LIMCH1: variants seen among roughly 807,000 people sequenced by gnomAD.
LIMCH1 encodes LIM and calponin homology domains 1, also known as LIM and calponin homology domains-containing protein 1.
A neutral mutation model predicts 176.5 loss-of-function variants in LIMCH1; 113 were observed. That is an observed-to-expected ratio of 0.64 (90% confidence interval 0.55 to 0.75). The LOEUF is 0.75. Ranked by LOEUF, LIMCH1 falls within the 30% of genes least tolerant of loss-of-function variation. The pLI, the probability that LIMCH1 is intolerant of heterozygous loss-of-function variation, is 0.00. For synonymous variants in LIMCH1, 619 were observed against 645.9 expected (o/e 0.96, Z 0.63); for missense variants, 1,674 against 1,814.9 (o/e 0.92, Z 1.41).
Position 41,646,908 on chromosome 4 carries a change from T to G in LIMCH1, c.2820+15T>G. 1 of 1,601,084 alleles carries G rather than the reference T, an allele frequency of 6.2e-7. No individual in the cohort carries two copies. The highest frequency in any genetic ancestry group is 1.1e-5 in the South Asian group (1 of 90,316). ...AGACCTTTAAGGTAGGACAAGTTCC[T>G]TAAGAGTAGAACCAAAGCTGAACTC... is the stretch of plus-strand genomic sequence containing the variant. On this transcript the variant is annotated intron_variant, in intron 17 of 31. Transcript: ENST00000503057.
At chr4:41,401,847 G>T (rs1413557641) in intron 1 of LIMCH1, among the ~76,000 whole-genome samples, 1 of 152,146 alleles carries the variant, frequency 6.6e-6, no homozygotes, top group East Asian at 1.9e-4. Context: ...TGTTATTGGT[G>T]TATAAGAATG....
intron 1 of LIMCH1, among the ~76,000 whole-genome samples, chr4:41,428,998 T>G (rs2061360557): frequency 6.6e-6 from 1 of 152,172 alleles, no homozygotes; most frequent in African/African-American, 2.4e-5. Flanking sequence ...AAGTTGCCTG[T>G]GAAAGGGCCT....
At chr4:41,523,421 A>C (rs113429300) in intron 2 of LIMCH1, among the ~76,000 whole-genome samples, 86 of 152,320 alleles carry the variant, frequency 5.6e-4, no homozygotes, top group African/African-American at 2.0e-3. Flanking sequence ...TTTATTTATA[A>C]GTACAGGTGT....
At chr4:41,562,265 A>G (rs1204125395) in intron 1 of LIMCH1, among the ~76,000 whole-genome samples, 2 of 152,068 alleles carry the variant, frequency 1.3e-5, no homozygotes, top group African/African-American at 2.4e-5. Context: ...TTATTTCACC[A>G]TTAGTAGAGT....
rs564296973 is a variant in LIMCH1, at chr4:41,527,611, G to A, written c.237+3133G>A. Among the ~76,000 whole-genome samples the A allele has an allele frequency of 5.3e-5, 8 of 152,206 alleles. No individual in the cohort carries two copies. The East Asian group carries it at 5.8e-4, about 11-fold the overall frequency. ...AGCACTTTGGGAGGCCGAGGCGGGC[G>A]GATCACGATGTCAGGAGATTGCGAC... On this transcript the variant is annotated intron_variant, in intron 3 of 26. Transcript: ENST00000313860.
chr4:41,633,612 G>C lies in LIMCH1; in HGVS notation c.1894G>C (p.Ala632Pro). 6.5e-7 allele frequency: 1 copy of C among 1,536,098 alleles called. No individual in the cohort carries two copies. Among genetic ancestry groups the C allele is most frequent in the Non-Finnish European group, 8.7e-7 (1 of 1,146,888 alleles). Residue 632 changes from alanine (A) to proline (P), a missense_variant, in exon 13 of 32, where the codon GCT (alanine) becomes CCT (proline). Physicochemically the swap from Ala to Pro is conservative, Grantham distance 27. Coordinates refer to ENST00000503057, the MANE Select transcript of LIMCH1 (RefSeq NM_001330672.2). ...AGAAGAGAAGTTGGAGAAGATGACA[G>C]CTCCTGCCTGGAGTGGCAGTGGACT... ...GTEEKLEKMT[A>P]PAWSGSGLKG...
chr4:41,386,797 C>A (rs987990690), intron 1 of LIMCH1, among the ~76,000 whole-genome samples: 5 of 152,176 alleles, frequency 3.3e-5, no homozygotes, highest in Non-Finnish European at 7.3e-5. Flanking sequence ...AAGGGACAGC[C>A]TAGGTAACTT....
intron 1 of LIMCH1, among the ~76,000 whole-genome samples, chr4:41,442,639 G>A (rs1415289071): frequency 3.3e-5 from 5 of 152,134 alleles, no homozygotes; most frequent in African/African-American, 1.2e-4. Flanking sequence ...TCTCCATTTT[G>A]GTTGACTGTG....
chr4:41,460,566 G>A lies in LIMCH1; in HGVS notation c.97-33970G>A, dbSNP rs576946706. Among the ~76,000 whole-genome samples the A allele has an allele frequency of 3.2e-4, 49 of 150,874 alleles. 1 individual carries two copies. Among genetic ancestry groups the A allele is most frequent in the Admixed American group, 2.2e-3 (33 of 15,168 alleles). ...CAGTTTTAAGTAGAGATTTAGGTGT[G>A]TTGGTTATACGATTGATTCTCAGTG... is the stretch of plus-strand genomic sequence containing the variant. On this transcript the variant is annotated intron_variant, in intron 1 of 26. Coordinates refer to the LIMCH1 transcript ENST00000313860.
intron 1 of LIMCH1, among the ~76,000 whole-genome samples, chr4:41,434,036 G>T (rs1171345324): frequency 6.6e-6 from 1 of 152,084 alleles, no homozygotes; most frequent in Non-Finnish European, 1.5e-5. Flanking sequence ...GCTTAAAAGG[G>T]GTACACTTCC....
chr4:41,652,200 A>G lies in LIMCH1; in HGVS notation c.3036+1592A>G, dbSNP rs150514099. ...AGCTAAAACCCACCTAGAAGGCTGG[A>G]TATCATTATTTTTTTCCTTTATGAT... On this transcript the variant is annotated intron_variant, in intron 18 of 31. Coordinates refer to ENST00000503057, the MANE Select transcript of LIMCH1 (RefSeq NM_001330672.2). 1.6e-3 allele frequency among the ~76,000 whole-genome samples: 251 copies of G among 152,280 alleles called. 1 individual carries two copies. The highest frequency in any genetic ancestry group is 2.7e-3 in the Non-Finnish European group (186 of 68,020).
At chr4:41,373,252 A>G (rs181703928) in intron 1 of LIMCH1, among the ~76,000 whole-genome samples, 2 of 152,326 alleles carry the variant, frequency 1.3e-5, no homozygotes, top group African/African-American at 4.8e-5. Flanking sequence ...AATGAGCAAG[A>G]AATCATGTTC....
chr4:41,684,211 A>G (rs531160091), intron 26 of LIMCH1, among the ~76,000 whole-genome samples, 186 bp from the exon 27 acceptor site: 3 of 152,334 alleles, frequency 2.0e-5, no homozygotes, highest in African/African-American at 4.8e-5. Flanking sequence ...AGCTTGTTAA[A>G]TGGGTGGATA....
At chr4:41,514,005 TAAAAAAAAAAAAAAAAAAAAAAA>T (rs71198665) in intron 2 of LIMCH1, among the ~76,000 whole-genome samples, 25 of 48,526 alleles carry the variant, frequency 5.2e-4, no homozygotes, top group South Asian at 4.0e-3. Flanking sequence ...GACTCCGTCT[TAAAAAAAAAAAAAAAAAAAAAAA>T]AAAAAAAAAA....
intron 1 of LIMCH1, among the ~76,000 whole-genome samples, chr4:41,590,761 A>C (rs1170184796): frequency 6.6e-6 from 1 of 152,194 alleles, no homozygotes; most frequent in African/African-American, 2.4e-5. Context: ...CTCTCAGTGG[A>C]AGAGCTGGTA....
chr4:41,397,771 G>A (rs2057963154), intron 1 of LIMCH1, among the ~76,000 whole-genome samples: 1 of 152,110 alleles, frequency 6.6e-6, no homozygotes, highest in South Asian at 2.1e-4. Context: ...CATTATGATG[G>A]TGACTTTGTC....
intron 18 of LIMCH1, among the ~76,000 whole-genome samples, chr4:41,656,524 T>C (rs1451951596): frequency 1.3e-5 from 2 of 151,930 alleles, no homozygotes; most frequent in Admixed American, 1.3e-4. Flanking sequence ...AAAACCTCAT[T>C]TTTTTTTAAT....
At chr4:41,637,986 ATTC>A (rs1406685873) in intron 13 of LIMCH1, among the ~76,000 whole-genome samples, 1 of 152,162 alleles carries the variant, frequency 6.6e-6, no homozygotes, top group East Asian at 1.9e-4. Flanking sequence ...TTTCTTCACT[ATTC>A]TTTGTCCACC....
upstream of LIMCH1, among the ~76,000 whole-genome samples, chr4:41,537,728 A>C (rs2078110136): frequency 6.6e-6 from 1 of 152,218 alleles, no homozygotes; most frequent in Non-Finnish European, 1.5e-5. Flanking sequence ...GGTACACAGG[A>C]TGTTTTCAAT....
Sources: allele counts gnomAD v4.1 joint callset (sites outside exome capture counted in the v4.1 genomes callset), GRCh38; gene constraint gnomAD v4.1.1; transcripts MANE v1.5; gene names NCBI Gene and HGNC (gene_info 2026-07-23, HGNC 2026-07-21).